CHST15: variants seen among roughly 807,000 people sequenced by gnomAD.
CHST15 encodes carbohydrate sulfotransferase 15.
CHST15 carries 30 observed loss-of-function variants against 53.6 expected under a neutral mutation model. The observed-to-expected ratio is 0.56, with a 90% CI of 0.42 to 0.76. The LOEUF is 0.76. CHST15 is among the 30% of genes least tolerant of loss of function. The pLI is 0.00. For missense variants in CHST15, 627 were observed against 740.5 expected, an observed-to-expected ratio of 0.85 and a Z score of 1.78; for synonymous variants, 296 against 289.8, an observed-to-expected ratio of 1.02 and a Z score of -0.22.
chr10:124,087,857 C>T (rs1283522684), intron 1 of CHST15, among the ~76,000 whole-genome samples: 3 of 152,204 alleles, frequency 2.0e-5, no homozygotes, highest in Admixed American at 1.3e-4. Context: ...ATGGGCACAG[C>T]GGAGCTGCTC....
intron 1 of CHST15, among the ~76,000 whole-genome samples, chr10:124,070,682 A>G (rs1197416507): frequency 2.0e-5 from 3 of 152,106 alleles, no homozygotes. Flanking sequence ...GCCCTCAATA[A>G]AGATTATTAA....
At chr10:124,047,784 A>G (rs1173943079) in intron 1 of CHST15, among the ~76,000 whole-genome samples, 2 of 152,258 alleles carry the variant, frequency 1.3e-5, no homozygotes, top group Non-Finnish European at 2.9e-5. Flanking sequence ...TAATAATAGC[A>G]TCATCAACTA....
At chr10:124,073,009 C>T (rs1465410811) in intron 1 of CHST15, among the ~76,000 whole-genome samples, 1 of 152,200 alleles carries the variant, frequency 6.6e-6, no homozygotes, top group East Asian at 1.9e-4. Context: ...TCATACGCTG[C>T]TGATGGGAAC....
Position 124,008,848 on chromosome 10 carries a change from C to T in CHST15, c.*1301G>A. On this transcript the variant is annotated 3_prime_UTR_variant, in exon 8 of 8. Transcript: ENST00000435907. Reference sequence around the variant, plus strand: ...CTGTTGCCAAGGATGCTCAAGCGTTCTCTTCAATCTTCCCTGTGACTTCCA... The same window carrying T: ...CTGTTGCCAAGGATGCTCAAGCGTTTTCTTCAATCTTCCCTGTGACTTCCA... 1 of 1,255,260 alleles carries T rather than the reference C, an allele frequency of 8.0e-7. No homozygotes were observed. Among genetic ancestry groups the T allele is most frequent in the Non-Finnish European group, 1.0e-6 (1 of 965,362 alleles). 77.8% of individuals were successfully genotyped at this position (1,255,260 alleles called of 1,614,324 possible). A position where few individuals can be genotyped will look rare whatever the true frequency, so the allele number is the denominator to read the frequency against.
chr10:124,042,248 G>A, intron 4 of CHST15, 53 bp downstream of exon 4: 1 of 1,563,364 alleles, frequency 6.4e-7, no homozygotes, highest in Admixed American at 1.7e-5. Context: ...TGGAGCCAGA[G>A]CCAGGACCCC....
chr10:124,063,012 T>G (rs1488187818), intron 1 of CHST15, among the ~76,000 whole-genome samples: 1 of 151,926 alleles, frequency 6.6e-6, no homozygotes, highest in African/African-American at 2.4e-5. Flanking sequence ...CACCCTGATG[T>G]GGCCATGAAA....
At chr10:124,084,497 G>C (rs1949356945) in intron 1 of CHST15, among the ~76,000 whole-genome samples, 1 of 151,954 alleles carries the variant, frequency 6.6e-6, no homozygotes, top group East Asian at 2.0e-4. Flanking sequence ...AGCTCCTGCT[G>C]CCCATCAAGC....
In CHST15 at chr10:124,045,884, G is replaced by A; in HGVS notation, c.329C>T (p.Pro110Leu). ...GCTGGGGAAGCCTCCGTAATGGAAA[G>A]GTGATGAGATCAGAAGCTCTTGGTG... ...GAHQELLISSPFHYGGFPSNP... is the reference protein window; with the variant it reads ...GAHQELLISSLFHYGGFPSNP... Residue 110 changes from proline to leucine, a missense_variant, in exon 2 of 8, where the codon CCT becomes CTT. Physicochemically the swap from Pro to Leu is moderately conservative, Grantham distance 98. Coordinates refer to ENST00000435907, the MANE Select transcript of CHST15 (RefSeq NM_001270764.2). The A allele has an allele frequency of 6.2e-7, 1 of 1,614,062 alleles. No individual in the cohort carries two copies. The highest frequency in any genetic ancestry group is 8.5e-7 in the Non-Finnish European group (1 of 1,180,002).
chr10:124,023,635 C>T (rs117455848), intron 5 of CHST15, among the ~76,000 whole-genome samples: 3 of 152,200 alleles, frequency 2.0e-5, no homozygotes, highest in South Asian at 2.1e-4. Context: ...TGCACACACA[C>T]CTGCATCTCT....
chr10:124,012,492 G>A lies in CHST15; in HGVS notation c.1348-12C>T. 1.9e-6 allele frequency: 3 copies of A among 1,604,940 alleles called. No individual in the cohort carries two copies. The highest frequency in any genetic ancestry group is 1.1e-5 in the South Asian group (1 of 90,556). On this transcript the variant is annotated splice_polypyrimidine_tract_variant and intron_variant, in intron 6 of 7. Coordinates refer to ENST00000435907, the MANE Select transcript of CHST15 (RefSeq NM_001270764.2). ...ACCTGGAGCCTCACCTAGGACCACA[G>A]AAGAAGGGCATTATTTCAGGAGCAG...
chr10:124,056,804 A>G (rs1948398855), intron 1 of CHST15, among the ~76,000 whole-genome samples: 1 of 151,716 alleles, frequency 6.6e-6, no homozygotes, highest in South Asian at 2.1e-4. Context: ...GGCCCGTACA[A>G]CCGGACACTC....
intron 1 of CHST15, among the ~76,000 whole-genome samples, chr10:124,088,326 CT>C (rs1949500280): frequency 6.6e-6 from 1 of 152,248 alleles, no homozygotes; most frequent in Non-Finnish European, 1.5e-5. Flanking sequence ...GCCTCGCCCA[CT>C]GATCTGAGTG....
At chr10:124,011,120 T>A in intron 7 of CHST15, 9 of 975,878 alleles carry the variant, frequency 9.2e-6, no homozygotes, top group Non-Finnish European at 1.1e-5. Flanking sequence ...TGAGAGGCCC[T>A]GAAACAGAAC....
At chr10:124,039,217 G>A (rs1481238185) in intron 4 of CHST15, among the ~76,000 whole-genome samples, 1 of 152,226 alleles carries the variant, frequency 6.6e-6, no homozygotes, top group Non-Finnish European at 1.5e-5. Flanking sequence ...CTGAACTGGG[G>A]GCCCAAGATG....
intron 7 of CHST15, among the ~76,000 whole-genome samples, chr10:124,012,001 A>G (rs6588759): frequency 0.29 from 44,197 of 151,912 alleles, 6,463 homozygotes; most frequent in East Asian, 0.35. Context: ...CATACCTTAC[A>G]TGACAGTGCT....
At chr10:124,039,392 AG>A (rs1437670174) in intron 4 of CHST15, among the ~76,000 whole-genome samples, 2 of 152,180 alleles carry the variant, frequency 1.3e-5, no homozygotes, top group African/African-American at 4.8e-5. Context: ...AGAAAGGAGG[AG>A]GGTGGGAACA....
chr10:124,057,245 T>C (rs1487275201), intron 1 of CHST15, among the ~76,000 whole-genome samples: 1 of 152,248 alleles, frequency 6.6e-6, no homozygotes, highest in Non-Finnish European at 1.5e-5. Context: ...TTCTCCTTAA[T>C]ACAAACTCAT....
At chr10:124,030,129 A>T (rs1197979839) in intron 5 of CHST15, among the ~76,000 whole-genome samples, 1 of 152,116 alleles carries the variant, frequency 6.6e-6, no homozygotes, top group Non-Finnish European at 1.5e-5. Context: ...CAATAACAAG[A>T]TGTGGCGCCT....
In CHST15 at chr10:124,011,202, CCTCTTTACCGGGGG is replaced by C. The variant is rs532163617; in HGVS notation, c.1496-877_1496-864del. ...TTGGTGTAACCCATCACTGCTCAAG[CCTCTTTACCGGGGG>C]CTCTTGGGATCTGGCCAAAGTCCTT... is the stretch of plus-strand genomic sequence containing the variant. On this transcript the variant is annotated intron_variant, in intron 7 of 7. Coordinates refer to ENST00000435907, the MANE Select transcript of CHST15 (RefSeq NM_001270764.2). 4.6e-4 allele frequency: 371 copies of C among 798,940 alleles called. 4 individuals are homozygous for C. The African/African-American group carries it at 5.3e-3, about 11-fold the overall frequency. The allele number at this position is 798,940 out of a possible 1,614,324, so 49.5% of individuals were successfully genotyped here.
Sources: allele counts gnomAD v4.1 joint callset (sites outside exome capture counted in the v4.1 genomes callset), GRCh38; gene constraint gnomAD v4.1.1; transcripts MANE v1.5; gene names NCBI Gene and HGNC (gene_info 2026-07-23, HGNC 2026-07-21).